Variants in ASAP1 observed in about 807,000 individuals in gnomAD.
ASAP1 encodes the protein ArfGAP with SH3 domain, ankyrin repeat and PH domain 1.
A neutral mutation model predicts 145.2 loss-of-function variants in ASAP1; 43 were observed. The observed-to-expected ratio is 0.30, with a 90% confidence interval of 0.23 to 0.38. The LOEUF is 0.38. Ranked by LOEUF, ASAP1 falls within the 10% of genes least tolerant of loss-of-function variation. The probability of loss-of-function intolerance (pLI) is 1.00; values close to 1 mark genes in which losing one functional copy is unlikely to be tolerated. For synonymous variants in ASAP1, 546 were observed against 515.5 expected (o/e 1.06, Z -0.80); for missense variants, 1,018 against 1,355.3 (o/e 0.75, Z 3.91).
rs1031341096 is a variant in ASAP1, at chr8:130,190,877, T to C, written c.406-2694A>G. Among the ~76,000 whole-genome samples, 149 of 152,176 alleles carry C rather than the reference T, an allele frequency of 9.8e-4. 1 individual carries two copies. Among genetic ancestry groups the C allele is most frequent in the African/African-American group, 3.5e-3 (146 of 41,440 alleles). On this transcript the variant is annotated intron_variant, in intron 5 of 29. Coordinates refer to ENST00000518721, the MANE Select transcript of ASAP1 (RefSeq NM_018482.4). Reference sequence around the variant, plus strand: ...GATTACTACAGCTTAGTAGTATAATTTGAAGTCAGGTAATGTGATGCCTCC... The same window carrying C: ...GATTACTACAGCTTAGTAGTATAATCTGAAGTCAGGTAATGTGATGCCTCC...
At chr8:130,107,835 C>T (rs894714607) in intron 24 of ASAP1, among the ~76,000 whole-genome samples, 3 of 152,222 alleles carry the variant, frequency 2.0e-5, no homozygotes, top group Non-Finnish European at 1.5e-5. Flanking sequence ...AGGCATGAGA[C>T]ACCACGCCCG....
At chr8:130,319,981 A>G (rs528314891) in intron 3 of ASAP1, among the ~76,000 whole-genome samples, 3 of 152,350 alleles carry the variant, frequency 2.0e-5, no homozygotes, top group East Asian at 1.9e-4. Flanking sequence ...AATGCATAGA[A>G]AAGTACATTT....
At chr8:130,133,641 C>A (rs563641397) in intron 15 of ASAP1, among the ~76,000 whole-genome samples, 1 of 150,358 alleles carries the variant, frequency 6.7e-6, no homozygotes, top group Non-Finnish European at 1.5e-5. Context: ...CCGGCCTGGG[C>A]GACAGAGCGA....
At chr8:130,433,409 A>G (rs776754407) in intron 1 of ASAP1, among the ~76,000 whole-genome samples, 1 of 152,132 alleles carries the variant, frequency 6.6e-6, no homozygotes, top group Non-Finnish European at 1.5e-5. Flanking sequence ...TAAAGCCCAG[A>G]CACCTCTTTC....
chr8:130,364,801 A>G (rs1826875289), intron 2 of ASAP1, among the ~76,000 whole-genome samples: 1 of 152,140 alleles, frequency 6.6e-6, no homozygotes, highest in South Asian at 2.1e-4. Flanking sequence ...CCTCAGCAAC[A>G]AATAGCTCTG....
intron 1 of ASAP1, among the ~76,000 whole-genome samples, chr8:130,422,997 G>A (rs532002380): frequency 2.6e-5 from 4 of 152,178 alleles, no homozygotes; most frequent in South Asian, 2.1e-4. Context: ...CACAGTTGAC[G>A]GCAAAGTCAG....
intron 3 of ASAP1, among the ~76,000 whole-genome samples, chr8:130,320,336 G>A (rs924498344): frequency 6.6e-6 from 1 of 152,104 alleles, no homozygotes. Flanking sequence ...TGGGAGGATT[G>A]CCTGAGCTCA....
chr8:130,112,363 C>T (rs764267951), intron 23 of ASAP1, 41 bp from the exon 24 acceptor site: 3 of 1,579,982 alleles, frequency 1.9e-6, no homozygotes, highest in Non-Finnish European at 2.6e-6. Flanking sequence ...AATCAAGGAC[C>T]ACCCTTCATG....
At chr8:130,079,437 T>C (rs1165608118) in intron 26 of ASAP1, among the ~76,000 whole-genome samples, 1 of 151,872 alleles carries the variant, frequency 6.6e-6, no homozygotes, top group Non-Finnish European at 1.5e-5. Flanking sequence ...AAAAAAAATA[T>C]TAGAAACAGA....
At position 130,130,102 on chromosome 8, in the gene ASAP1, G is replaced by A. The variant is rs1463508052; in HGVS notation, c.1218-2012C>T. 2.6e-5 allele frequency among the ~76,000 whole-genome samples: 4 copies of A among 152,264 alleles called. No homozygotes were observed. The East Asian group carries it at 7.7e-4, about 29-fold the overall frequency. On this transcript the variant is annotated intron_variant, in intron 15 of 29. Coordinates refer to ENST00000518721, the MANE Select transcript of ASAP1 (RefSeq NM_018482.4). ...GCTAATATTGGCCAGTATCTACTAT[G>A]TACCAAATACTTACAATTTTTAACA...
At chr8:130,187,161 G>T in intron 7 of ASAP1, 75 bp downstream of exon 7, 4 of 1,089,488 alleles carry the variant, frequency 3.7e-6, no homozygotes, top group Non-Finnish European at 2.6e-6. Flanking sequence ...TTCCAGTTAA[G>T]TTTTTTTTTT....
intron 3 of ASAP1, among the ~76,000 whole-genome samples, chr8:130,271,313 C>A (rs1025559431): frequency 2.6e-5 from 4 of 152,172 alleles, no homozygotes; most frequent in Non-Finnish European, 5.9e-5. Flanking sequence ...CCTCACTCTA[C>A]CCTTTTTAAA....
chr8:130,132,422 C>T (rs901473305), intron 15 of ASAP1, among the ~76,000 whole-genome samples: 10 of 152,178 alleles, frequency 6.6e-5, no homozygotes, highest in African/African-American at 2.4e-4. Flanking sequence ...CACTTCCTTC[C>T]TATTCCATCC....
intron 4 of ASAP1, among the ~76,000 whole-genome samples, chr8:130,220,266 T>C (rs1433079652): frequency 6.6e-6 from 1 of 152,236 alleles, no homozygotes; most frequent in Non-Finnish European, 1.5e-5. Flanking sequence ...ACTGATTTAC[T>C]ACTCTAGTAT....
chr8:130,275,335 G>C (rs1381614755), intron 3 of ASAP1, among the ~76,000 whole-genome samples: 1 of 152,224 alleles, frequency 6.6e-6, no homozygotes, highest in African/African-American at 2.4e-5. Context: ...GCTAAAGAAA[G>C]CCACTAATTC....
At chr8:130,275,300 T>C (rs1387729275) in intron 3 of ASAP1, among the ~76,000 whole-genome samples, 3 of 152,350 alleles carry the variant, frequency 2.0e-5, no homozygotes, top group East Asian at 1.9e-4. Context: ...AAGCCTGTAA[T>C]TGGGCTTTCC....
At chr8:130,151,925 T>C (rs986784169) in intron 13 of ASAP1, among the ~76,000 whole-genome samples, 2 of 152,246 alleles carry the variant, frequency 1.3e-5, no homozygotes, top group African/African-American at 2.4e-5. Context: ...AGCTGTTCTT[T>C]GTGCTTCAGT....
At chr8:130,158,794 C>T (rs192613031) in intron 12 of ASAP1, among the ~76,000 whole-genome samples, 1 of 151,198 alleles carries the variant, frequency 6.6e-6, no homozygotes, top group Admixed American at 6.6e-5. Flanking sequence ...TGCAGTGGTG[C>T]GATCTCAGCT....
intron 2 of ASAP1, among the ~76,000 whole-genome samples, chr8:130,364,369 G>A (rs1031281613): frequency 1.3e-5 from 2 of 152,282 alleles, no homozygotes; most frequent in East Asian, 1.9e-4. Flanking sequence ...CATTGCAGGC[G>A]CAACCTCACT....
Sources: gnomAD v4.1 joint callset for allele counts (sites outside exome capture counted in the v4.1 genomes callset) on GRCh38, gnomAD v4.1.1 for gene constraint, MANE v1.5 for transcripts, NCBI Gene and HGNC (gene_info 2026-07-23, HGNC 2026-07-21) for gene names.